The following NRXN3 variants were observed in gnomAD, a reference collection of about 807,000 sequenced individuals.
NRXN3 encodes the protein neurexin III.
A neutral mutation model predicts 137.6 loss-of-function variants in NRXN3; 32 were observed. The observed-to-expected ratio is 0.23, with a 90% CI of 0.18 to 0.31. The LOEUF (loss-of-function observed/expected upper bound fraction) is 0.31. Among genes scored for constraint, NRXN3 ranks in the 10% least tolerant of loss-of-function variants. The probability of loss-of-function intolerance (pLI) is 1.00; values close to 1 mark genes in which losing one functional copy is unlikely to be tolerated. For synonymous variants in NRXN3, 798 were observed against 784.5 expected, an observed-to-expected ratio of 1.02 and a Z score of -0.29; for missense variants, 1,574 against 2,062.5, an observed-to-expected ratio of 0.76 and a Z score of 4.59.
At chr14:79,563,141 C>A (rs1567513201) in intron 16 of NRXN3, among the ~76,000 whole-genome samples, 1 of 152,128 alleles carries the variant, frequency 6.6e-6, no homozygotes, top group Non-Finnish European at 1.5e-5. Context: ...AATATTAATT[C>A]TTTGAAAGTA....
chr14:78,815,181 GT>G (rs1366221152), intron 10 of NRXN3, among the ~76,000 whole-genome samples: 1 of 152,136 alleles, frequency 6.6e-6, no homozygotes, highest in Non-Finnish European at 1.5e-5. Context: ...CTGTGACAAG[GT>G]TTATTTTTTC....
intron 2 of NRXN3, among the ~76,000 whole-genome samples, chr14:78,275,887 T>G (rs547548679): frequency 6.6e-6 from 1 of 152,176 alleles, no homozygotes; most frequent in East Asian, 1.9e-4. Flanking sequence ...ACTGCTAAGG[T>G]TTTGATCCTT....
intron 1 of NRXN3, among the ~76,000 whole-genome samples, chr14:78,180,852 G>A (rs569205645): frequency 1.2e-4 from 18 of 152,186 alleles, no homozygotes; most frequent in Non-Finnish European, 2.6e-4. Context: ...TGTTTGTGGT[G>A]GTTGGAGCTG....
chr14:79,510,270 G>C (rs1035746865), intron 16 of NRXN3, among the ~76,000 whole-genome samples: 2 of 152,226 alleles, frequency 1.3e-5, no homozygotes, highest in Admixed American at 1.3e-4. Flanking sequence ...GAAAAATTAA[G>C]TGGAGATACA....
At chr14:78,895,451 G>A (rs1056454979) in intron 10 of NRXN3, among the ~76,000 whole-genome samples, 2 of 151,848 alleles carry the variant, frequency 1.3e-5, no homozygotes, top group South Asian at 4.1e-4. Flanking sequence ...GCCTTGCTCT[G>A]GGTTAGGCTT....
chr14:78,881,258 G>A (rs2099128442), intron 10 of NRXN3, among the ~76,000 whole-genome samples: 1 of 151,690 alleles, frequency 6.6e-6, no homozygotes, highest in South Asian at 2.1e-4. Context: ...ATTGGCACCA[G>A]GTAGTGGGAT....
intron 19 of NRXN3, among the ~76,000 whole-genome samples, chr14:79,702,322 A>G (rs1000270386): frequency 6.6e-6 from 1 of 152,018 alleles, no homozygotes; most frequent in Non-Finnish European, 1.5e-5. Context: ...TGGAATTTAC[A>G]ATCTAAATAG....
intron 15 of NRXN3, among the ~76,000 whole-genome samples, chr14:79,380,153 T>C (rs2153451863): frequency 6.7e-6 from 1 of 149,184 alleles, no homozygotes; most frequent in African/African-American, 2.4e-5. Flanking sequence ...CTTCTTCTTT[T>C]TTTTTTTTTT....
chr14:78,759,541 T>C (rs1265688354), intron 8 of NRXN3, among the ~76,000 whole-genome samples: 2 of 152,198 alleles, frequency 1.3e-5, no homozygotes, highest in Admixed American at 6.5e-5. Context: ...TTTCCTCATT[T>C]GTGTCACACA....
At chr14:78,728,296 G>T (rs1006608529) in intron 8 of NRXN3, among the ~76,000 whole-genome samples, 1 of 152,106 alleles carries the variant, frequency 6.6e-6, no homozygotes, top group African/African-American at 2.4e-5. Flanking sequence ...AATTTATTTA[G>T]TTAGCAACTT....
chr14:79,777,777 G>A (rs1480371991), intron 19 of NRXN3, among the ~76,000 whole-genome samples: 1 of 151,252 alleles, frequency 6.6e-6, no homozygotes, highest in East Asian at 1.9e-4. Context: ...CAAATGTTGA[G>A]ATATATAAAT....
At chr14:79,729,119 T>C (rs1484106463) in intron 19 of NRXN3, among the ~76,000 whole-genome samples, 1 of 152,228 alleles carries the variant, frequency 6.6e-6, no homozygotes, top group Non-Finnish European at 1.5e-5. Context: ...ACCAAGTGTC[T>C]GTATCATTAA....
chr14:79,178,494 AAAC>A (rs1482806277), intron 15 of NRXN3, among the ~76,000 whole-genome samples: 2 of 152,234 alleles, frequency 1.3e-5, no homozygotes, highest in Non-Finnish European at 2.9e-5. Flanking sequence ...AGGAATGGAA[AAAC>A]AACATTTACT....
chr14:78,397,942 C>A (rs1447471452), intron 4 of NRXN3, among the ~76,000 whole-genome samples: 1 of 150,840 alleles, frequency 6.6e-6, no homozygotes, highest in Non-Finnish European at 1.5e-5. Flanking sequence ...GGGCCAGGGG[C>A]AGTGGCTTAT....
intron 19 of NRXN3, among the ~76,000 whole-genome samples, chr14:79,743,948 A>T (rs2154082100): frequency 6.6e-6 from 1 of 152,340 alleles, no homozygotes; most frequent in Non-Finnish European, 1.5e-5. Context: ...GGAAAAGAGA[A>T]TTTCCAAATT....
rs74064062 is a variant in NRXN3, at chr14:78,354,221, A to G, written c.757+56361A>G. On this transcript the variant is annotated intron_variant, in intron 4 of 20. Coordinates refer to ENST00000335750, the MANE Select transcript of NRXN3 (RefSeq NM_001330195.2). ...GGTGGAAGCCTCTGTAGACATCTGG[A>G]GTTTGGAAGAGAAAATGGCATAGTA... Among the ~76,000 whole-genome samples the G allele has an allele frequency of 8.6e-3, 1,304 of 152,272 alleles. 15 individuals are homozygous for G. Among genetic ancestry groups the G allele is most frequent in the African/African-American group, 0.03 (1,229 of 41,550 alleles).
At chr14:79,541,031 G>A (rs1436400056) in intron 16 of NRXN3, among the ~76,000 whole-genome samples, 2 of 152,132 alleles carry the variant, frequency 1.3e-5, no homozygotes, top group Admixed American at 1.3e-4. Context: ...TCTGGTGCTG[G>A]TGGATGCATC....
chr14:79,742,009 A>G (rs1236777882), intron 19 of NRXN3, among the ~76,000 whole-genome samples: 2 of 152,190 alleles, frequency 1.3e-5, no homozygotes, highest in Non-Finnish European at 2.9e-5. Flanking sequence ...ATCCTTATAC[A>G]TATTTGTCAG....
At chr14:79,723,187 C>T (rs955440395) in intron 19 of NRXN3, among the ~76,000 whole-genome samples, 1 of 152,016 alleles carries the variant, frequency 6.6e-6, no homozygotes, top group Non-Finnish European at 1.5e-5. Flanking sequence ...GCCTTTATAG[C>T]TAGATATAGA....
Sources: gnomAD v4.1 joint callset for allele counts (sites outside exome capture counted in the v4.1 genomes callset) on GRCh38, gnomAD v4.1.1 for gene constraint, MANE v1.5 for transcripts, NCBI Gene and HGNC (gene_info 2026-07-23, HGNC 2026-07-21) for gene names.